PTPRD: variants seen among roughly 807,000 people sequenced by gnomAD.
The protein encoded by PTPRD is receptor-type tyrosine-protein phosphatase delta.
Under a neutral mutation model 214.5 loss-of-function variants are expected in PTPRD, and 34 were observed. The observed-to-expected ratio is 0.16, with a 90% confidence interval of 0.12 to 0.21. The LOEUF (loss-of-function observed/expected upper bound fraction) is 0.21. Ranked by LOEUF, PTPRD falls within the 10% of genes least tolerant of loss-of-function variation. The pLI, the probability that PTPRD is intolerant of heterozygous loss-of-function variation, is 1.00. For missense variants in PTPRD, 2,545 were observed against 2,398.7 expected (o/e 1.06, Z -1.27); for synonymous variants, 1,128 against 845.7 (o/e 1.33, Z -5.79).
chr9:10,379,241 GT>G (rs766875582), intron 2 of PTPRD, among the ~76,000 whole-genome samples: 2 of 148,384 alleles, frequency 1.3e-5, no homozygotes, highest in Non-Finnish European at 3.0e-5. Context: ...AGTTCTAATA[GT>G]TTTTTTTGTG....
intron 7 of PTPRD, among the ~76,000 whole-genome samples, chr9:9,624,557 G>A (rs1037936392): frequency 6.6e-6 from 1 of 152,076 alleles, no homozygotes; most frequent in Admixed American, 6.6e-5. Context: ...CAAGGTGCTA[G>A]GATTACAGGT....
At chr9:9,533,196 C>A (rs1254878409) in intron 8 of PTPRD, among the ~76,000 whole-genome samples, 1 of 152,056 alleles carries the variant, frequency 6.6e-6, no homozygotes, top group Admixed American at 6.6e-5. Context: ...TTTCTTTAGC[C>A]CAAACAGTCC....
chr9:10,482,497 A>G (rs1589170598), intron 2 of PTPRD, among the ~76,000 whole-genome samples: 1 of 118,052 alleles, frequency 8.5e-6, no homozygotes, highest in East Asian at 2.6e-4. Context: ...CTATTTGCCA[A>G]TGATATGATC....
Position 8,454,635 on chromosome 9 carries a change from A to G in PTPRD, c.3876-4798T>C, listed in dbSNP as rs369387780. Reference sequence around the variant, plus strand: ...GCAAAAAAAGGAAAAAGAAAGGCTAAATGTTAGTTGGCCAATGGTAACAAG... The same window carrying G: ...GCAAAAAAAGGAAAAAGAAAGGCTAGATGTTAGTTGGCCAATGGTAACAAG... On this transcript the variant is annotated intron_variant, in intron 33 of 45. Transcript: ENST00000381196. The G allele has an allele frequency of 1.2e-5, 20 of 1,608,192 alleles. 1 individual carries two copies. In the African/African-American group the frequency reaches 2.5e-4, roughly 20 times the overall value.
chr9:8,733,759 G>A (rs1324270240), intron 12 of PTPRD, 21 bp downstream of exon 12: 1 of 1,550,320 alleles, frequency 6.5e-7, no homozygotes, highest in Admixed American at 2.0e-5. Flanking sequence ...CAGCCCCCTA[G>A]AGAAGGGGAG....
intron 33 of PTPRD, chr9:8,460,169 T>C (rs887808090): frequency 9.5e-6 from 5 of 526,930 alleles, no homozygotes; most frequent in Non-Finnish European, 1.7e-5. Flanking sequence ...GCTCAGAAGA[T>C]TGGAGGCCAG....
intron 10 of PTPRD, among the ~76,000 whole-genome samples, chr9:9,030,620 G>C (rs1281710654): frequency 6.6e-6 from 1 of 151,664 alleles, no homozygotes; most frequent in Non-Finnish European, 1.5e-5. Flanking sequence ...AATTGATCTG[G>C]GCTGTCAAGA....
At chr9:8,589,949 C>T (rs1185287382) in intron 14 of PTPRD, among the ~76,000 whole-genome samples, 1 of 152,092 alleles carries the variant, frequency 6.6e-6, no homozygotes, top group Non-Finnish European at 1.5e-5. Flanking sequence ...CTGGAAATAA[C>T]AGAAATTGCT....
chr9:8,602,761 T>A (rs1564646892), intron 14 of PTPRD, among the ~76,000 whole-genome samples: 2 of 152,222 alleles, frequency 1.3e-5, no homozygotes, highest in Non-Finnish European at 2.9e-5. Flanking sequence ...GTTACATAAA[T>A]AAATGAATAT....
intron 11 of PTPRD, among the ~76,000 whole-genome samples, chr9:8,794,358 G>A (rs2096340938): frequency 1.3e-5 from 2 of 152,094 alleles, no homozygotes; most frequent in African/African-American, 2.4e-5. Context: ...TTTACATACT[G>A]CTGCCCGTTA....
At chr9:10,597,792 G>A (rs1039549479) in intron 2 of PTPRD, among the ~76,000 whole-genome samples, 3 of 151,724 alleles carry the variant, frequency 2.0e-5, no homozygotes, top group Admixed American at 6.6e-5. Flanking sequence ...TTTACACCTA[G>A]AATGTCAGCA....
chr9:8,607,667 A>G (rs2095284442), intron 14 of PTPRD, among the ~76,000 whole-genome samples: 1 of 152,066 alleles, frequency 6.6e-6, no homozygotes, highest in Admixed American at 6.6e-5. Context: ...AAAATAAATT[A>G]ATTAATTAAA....
intron 14 of PTPRD, among the ~76,000 whole-genome samples, chr9:8,620,278 T>C (rs766285920): frequency 6.6e-6 from 1 of 152,028 alleles, no homozygotes; most frequent in African/African-American, 2.4e-5. Context: ...TCTTCTAATA[T>C]TTATCTTACA....
At chr9:9,749,193 T>A (rs535982656) in intron 6 of PTPRD, among the ~76,000 whole-genome samples, 1 of 152,100 alleles carries the variant, frequency 6.6e-6, no homozygotes, top group Non-Finnish European at 1.5e-5. Flanking sequence ...CAGTTTCAAA[T>A]CTCAGTCAAT....
At chr9:9,073,326 G>A (rs74456382) in intron 10 of PTPRD, among the ~76,000 whole-genome samples, 2,277 of 152,290 alleles carry the variant, frequency 0.015, 29 homozygotes, top group Non-Finnish European at 0.023. Context: ...ATATATCTGA[G>A]ATGGTATGCA....
At chr9:8,628,853 G>A (rs1392412806) in intron 14 of PTPRD, among the ~76,000 whole-genome samples, 1 of 151,748 alleles carries the variant, frequency 6.6e-6, no homozygotes, top group African/African-American at 2.4e-5. Flanking sequence ...TAACTAAAAT[G>A]CCTCATATCT....
chr9:8,558,526 C>T (rs1016152165), intron 14 of PTPRD, among the ~76,000 whole-genome samples: 26 of 152,166 alleles, frequency 1.7e-4, no homozygotes, highest in Admixed American at 1.2e-3. Context: ...TTCAGGCCTG[C>T]TCTGATGGAG....
chr9:9,155,926 T>G (rs1341568899), intron 10 of PTPRD, among the ~76,000 whole-genome samples: 1 of 152,164 alleles, frequency 6.6e-6, no homozygotes, highest in Non-Finnish European at 1.5e-5. Flanking sequence ...ATTTCTTTCC[T>G]GCTTTAGCTT....
rs570923106 is a variant in PTPRD at position 10,482,264 on chromosome 9, A to G, written c.-600+130134T>C. ...CGGGTGCCTGTAGTCCCAGCTACTG[A>G]GGAGGCTGAGGCAGGAGAATGGCAT... On this transcript the variant is annotated intron_variant, in intron 2 of 45. Coordinates refer to ENST00000381196, the MANE Select transcript of PTPRD (RefSeq NM_002839.4). Among the ~76,000 whole-genome samples the G allele has an allele frequency of 6.1e-3, 920 of 151,802 alleles. 5 individuals are homozygous for G. The highest frequency in any genetic ancestry group is 0.02 in the African/African-American group (822 of 41,498).
Sources: gnomAD v4.1 joint callset for allele counts (sites outside exome capture counted in the v4.1 genomes callset) on GRCh38, gnomAD v4.1.1 for gene constraint, MANE v1.5 for transcripts, NCBI Gene and HGNC (gene_info 2026-07-23, HGNC 2026-07-21) for gene names.